CDKL3: variants seen among roughly 807,000 people sequenced by gnomAD.
The protein encoded by CDKL3 is cyclin dependent kinase like 3.
A neutral mutation model predicts 69.3 loss-of-function variants in CDKL3; 65 were observed. The observed-to-expected ratio is 0.94, with a 90% CI of 0.77 to 1.15. CDKL3 has a LOEUF of 1.15. CDKL3 is among the 50% of genes most tolerant of loss of function. The pLI, the probability that CDKL3 is intolerant of heterozygous loss-of-function variation, is 0.00. For missense variants in CDKL3, 652 were observed against 689.2 expected (o/e 0.95, Z 0.61); for synonymous variants, 202 against 221.6 (o/e 0.91, Z 0.79).
At chr5:134,328,836 A>G (rs1399117820) in intron 4 of CDKL3, among the ~76,000 whole-genome samples, 1 of 152,224 alleles carries the variant, frequency 6.6e-6, no homozygotes, top group East Asian at 1.9e-4. Flanking sequence ...AGACCAGTAG[A>G]TAGTGGTACA....
rs1765534435 is a variant in CDKL3, at chr5:134,298,561, A to G, written c.*90T>C. 1 of 1,522,262 alleles carries G rather than the reference A, an allele frequency of 6.6e-7. No individual in the cohort carries two copies. Among genetic ancestry groups the G allele is most frequent in the South Asian group, 1.3e-5 (1 of 74,106 alleles). The allele number at this position is 1,522,262 out of a possible 1,614,324, so 94.3% of individuals were successfully genotyped here. ...CTCATGCACATGGATGGCTGTCTTA[A>G]CAACAACTCACATCACACTTCTATT... On this transcript the variant is annotated 3_prime_UTR_variant, in exon 13 of 13. Coordinates refer to ENST00000265334, the MANE Select transcript of CDKL3 (RefSeq NM_001113575.2).
chr5:134,304,717 A>C, intron 10 of CDKL3, 150 bp from the exon 11 acceptor site: 1 of 485,214 alleles, frequency 2.1e-6, no homozygotes, highest in Non-Finnish European at 3.4e-6. Flanking sequence ...ACTATTGAAC[A>C]TATCAACAGA....
intron 6 of CDKL3, among the ~76,000 whole-genome samples, chr5:134,314,737 A>G (rs903382634): frequency 6.6e-6 from 1 of 152,212 alleles, no homozygotes; most frequent in African/African-American, 2.4e-5. Context: ...TTTATATAAG[A>G]TTCTAGAAAA....
chr5:134,299,244 C>T (rs1295342060), intron 12 of CDKL3, among the ~76,000 whole-genome samples: 1 of 152,166 alleles, frequency 6.6e-6, no homozygotes, highest in East Asian at 1.9e-4. Flanking sequence ...TAAAGCCAAA[C>T]CCATGTTACA....
intron 6 of CDKL3, among the ~76,000 whole-genome samples, chr5:134,317,188 T>G (rs1771323514): frequency 6.6e-6 from 1 of 152,168 alleles, no homozygotes; most frequent in Non-Finnish European, 1.5e-5. Context: ...CAGGCTGGAG[T>G]GCAGTGGTGC....
At chr5:134,370,405 G>A (rs1288636071), upstream of CDKL3, among the ~76,000 whole-genome samples, 1 of 152,174 alleles carries the variant, frequency 6.6e-6, no homozygotes, top group Admixed American at 6.5e-5. Flanking sequence ...TAGAAAACCT[G>A]AAGTTATCTC....
chr5:134,289,201 GA>G (rs1765014717), intron 8 of CDKL3, among the ~76,000 whole-genome samples: 1 of 127,284 alleles, frequency 7.9e-6, no homozygotes. Context: ...AAAAAGAAAA[GA>G]AAAAATCCCC....
At chr5:134,321,635 CTTCT>C (rs1406353014) in intron 5 of CDKL3, among the ~76,000 whole-genome samples, 152 bp downstream of exon 5, 1 of 152,126 alleles carries the variant, frequency 6.6e-6, no homozygotes, top group African/African-American at 2.4e-5. Context: ...AATTTTCTGC[CTTCT>C]TTATCAGCCC....
chr5:134,313,143 C>T (rs1324026902), intron 6 of CDKL3, among the ~76,000 whole-genome samples: 2 of 152,136 alleles, frequency 1.3e-5, no homozygotes, highest in African/African-American at 4.8e-5. Context: ...GGCTGATGAA[C>T]TCTTGAGTTC....
At chr5:134,370,563 C>A (rs34942973), upstream of CDKL3, among the ~76,000 whole-genome samples, 1,426 of 152,308 alleles carry the variant, frequency 9.4e-3, 12 homozygotes, top group African/African-American at 0.03. Flanking sequence ...ATGGTACTCC[C>A]CCACCATAGG....
chr5:134,326,985 A>G (rs1774556887), intron 4 of CDKL3, among the ~76,000 whole-genome samples: 1 of 151,624 alleles, frequency 6.6e-6, no homozygotes, highest in Non-Finnish European at 1.5e-5. Context: ...CTAAACCAAG[A>G]CAACTTTTTC....
At chr5:134,370,037 G>C (rs1279568287), upstream of CDKL3, among the ~76,000 whole-genome samples, 1 of 152,146 alleles carries the variant, frequency 6.6e-6, no homozygotes, top group Non-Finnish European at 1.5e-5. Context: ...GTTAGGCCTG[G>C]CTAACCTGAT....
In CDKL3 at chr5:134,337,009, T is replaced by C. The variant is rs146723105; in HGVS notation, c.539+13240A>G. 2.5e-3 allele frequency among the ~76,000 whole-genome samples: 374 copies of C among 152,300 alleles called. 2 individuals carry two copies. The highest frequency in any genetic ancestry group is 4.1e-3 in the Non-Finnish European group (279 of 68,014). On this transcript the variant is annotated intron_variant, in intron 4 of 12. Transcript: ENST00000265334. ...GCCCAGTTCGAGTTTCCCTGCTGCT[T>C]TGTTTACACTGTGAGCATAGAACCG...
chr5:134,312,190 A>G (rs949181762), intron 7 of CDKL3, 102 bp downstream of exon 7: 22 of 693,364 alleles, frequency 3.2e-5, no homozygotes, highest in Non-Finnish European at 5.0e-5. Context: ...GTTAAACTGA[A>G]TATTTGTTAT....
At chr5:134,366,575 A>G in intron 1 of CDKL3, 31 bp from the exon 2 acceptor site, 1 of 1,345,876 alleles carries the variant, frequency 7.4e-7, no homozygotes, top group Non-Finnish European at 1.0e-6. Flanking sequence ...AAAATGGAAA[A>G]TGTTAAACGT....
In CDKL3 at chr5:134,319,603, G is replaced by A. The variant is rs1306774722; in HGVS notation, c.653-106C>T. The A allele has an allele frequency of 5.3e-6, 5 of 943,532 alleles. No individual in the cohort carries two copies. The African/African-American group carries it at 7.0e-5, about 13-fold the overall frequency. The allele number at this position is 943,532 out of a possible 1,614,324, so 58.4% of individuals were successfully genotyped here. A position where few individuals can be genotyped will look rare whatever the true frequency, so the allele number is the denominator to read the frequency against. On this transcript the variant is annotated intron_variant, in intron 5 of 12. Coordinates refer to ENST00000265334, the MANE Select transcript of CDKL3 (RefSeq NM_001113575.2). Reference sequence around the variant, plus strand: ...GTTAGATTACTAAAAACTGATACAAGGAAGAATGTGAATTATGTATTTTAA... The same window carrying A: ...GTTAGATTACTAAAAACTGATACAAAGAAGAATGTGAATTATGTATTTTAA...
intron 5 of CDKL3, among the ~76,000 whole-genome samples, chr5:134,320,381 C>T (rs1045980428): frequency 6.6e-6 from 1 of 151,984 alleles, no homozygotes; most frequent in Non-Finnish European, 1.5e-5. Context: ...TTTGGGAGGC[C>T]GAGTCGGGCA....
At chr5:134,329,255 T>C (rs1775144998) in intron 4 of CDKL3, among the ~76,000 whole-genome samples, 1 of 152,060 alleles carries the variant, frequency 6.6e-6, no homozygotes, top group African/African-American at 2.4e-5. Context: ...GGAGGATTGA[T>C]TGAGCCCAGA....
At chr5:134,345,574 G>A (rs1203219715) in intron 4 of CDKL3, among the ~76,000 whole-genome samples, 1 of 152,182 alleles carries the variant, frequency 6.6e-6, no homozygotes, top group Non-Finnish European at 1.5e-5. Context: ...TCAGCAAAGG[G>A]AGATGGGGTG....
Sources: allele counts gnomAD v4.1 joint callset (sites outside exome capture counted in the v4.1 genomes callset), GRCh38; gene constraint gnomAD v4.1.1; transcripts MANE v1.5; gene names NCBI Gene and HGNC (gene_info 2026-07-23, HGNC 2026-07-21).